The following IQCJ variants were observed in gnomAD, a reference collection of about 807,000 sequenced individuals.
IQCJ encodes the protein IQ domain-containing protein J.
IQCJ carries 9 observed loss-of-function variants against 11.0 expected under a neutral mutation model. The ratio of observed to expected loss-of-function variants is 0.82; its 90% CI spans 0.49 to 1.43. The LOEUF is 1.43. Ranked by LOEUF, IQCJ falls within the 40% of genes most tolerant of loss-of-function variation. The probability of loss-of-function intolerance (pLI) is 0.00; values close to 1 mark genes in which losing one functional copy is unlikely to be tolerated. For synonymous variants in IQCJ, 55 were observed against 51.3 expected, an observed-to-expected ratio of 1.07 and a Z score of -0.31; for missense variants, 146 against 133.2, an observed-to-expected ratio of 1.10 and a Z score of -0.47.
chr3:159,183,093 T>C lies in IQCJ; in HGVS notation c.10-62750T>C, dbSNP rs376582440. 5.8e-4 allele frequency among the ~76,000 whole-genome samples: 88 copies of C among 152,204 alleles called. 1 individual carries two copies. In the South Asian group the frequency reaches 0.01, roughly 18 times the overall value. ...TCTAGTTCATGTCTGGAAGAGTAGG[T>C]ATTCATAGGACTCCTTTGATTTGGC... On this transcript the variant is annotated intron_variant, in intron 1 of 3. Transcript: ENST00000397832.
chr3:159,216,701 T>C (rs1725254977), intron 1 of IQCJ, among the ~76,000 whole-genome samples: 1 of 152,140 alleles, frequency 6.6e-6, no homozygotes, highest in Non-Finnish European at 1.5e-5. Context: ...GCATTTTTTT[T>C]CCCAAAATGA....
intron 1 of IQCJ, among the ~76,000 whole-genome samples, chr3:159,174,969 T>C (rs1722693061): frequency 6.6e-6 from 1 of 152,194 alleles, no homozygotes; most frequent in South Asian, 2.1e-4. Flanking sequence ...GGCAAGTTGT[T>C]AGCCAAGCGA....
intron 1 of IQCJ, among the ~76,000 whole-genome samples, chr3:159,107,260 C>T (rs1718324051): frequency 6.6e-6 from 1 of 152,078 alleles, no homozygotes; most frequent in Non-Finnish European, 1.5e-5. Flanking sequence ...TATGAATAGG[C>T]TTAGTGACCT....
chr3:159,265,412 C>G, downstream of IQCJ: 1 of 1,607,426 alleles, frequency 6.2e-7, no homozygotes, highest in Non-Finnish European at 8.5e-7. Flanking sequence ...GAATGGACCT[C>G]AAGTTTATGG....
intron 1 of IQCJ, among the ~76,000 whole-genome samples, chr3:159,241,397 A>C (rs1415036285): frequency 1.3e-5 from 2 of 152,026 alleles, no homozygotes; most frequent in Admixed American, 1.3e-4. Flanking sequence ...TGACAGAGTG[A>C]CACTCTGTCT....
chr3:159,205,522 C>A (rs1724606765), intron 1 of IQCJ, among the ~76,000 whole-genome samples: 1 of 152,190 alleles, frequency 6.6e-6, no homozygotes, highest in African/African-American at 2.4e-5. Flanking sequence ...CACTGTGTGA[C>A]CCAGAGCCCC....
chr3:159,074,718 G>C (rs1049924798), intron 1 of IQCJ, among the ~76,000 whole-genome samples: 4 of 152,036 alleles, frequency 2.6e-5, no homozygotes, highest in African/African-American at 9.7e-5. Context: ...CAAAATTTAG[G>C]TTCTTTTTTC....
At chr3:159,110,723 A>G (rs868370809) in intron 1 of IQCJ, among the ~76,000 whole-genome samples, 25 of 152,242 alleles carry the variant, frequency 1.6e-4, no homozygotes, top group Middle Eastern at 6.8e-3. Context: ...TGATTACTCA[A>G]TTGAATTTCT....
At chr3:159,194,853 C>T (rs1723892174) in intron 1 of IQCJ, among the ~76,000 whole-genome samples, 1 of 152,168 alleles carries the variant, frequency 6.6e-6, no homozygotes. Context: ...TGGCTCACGC[C>T]TGTAATCCCA....
chr3:159,228,589 G>C (rs1726000271), intron 1 of IQCJ, among the ~76,000 whole-genome samples: 3 of 152,002 alleles, frequency 2.0e-5, no homozygotes, highest in African/African-American at 7.2e-5. Context: ...AGGAGATCGA[G>C]ACCATCCCGG....
intron 1 of IQCJ, among the ~76,000 whole-genome samples, chr3:159,163,241 C>CA: frequency 6.6e-6 from 1 of 152,318 alleles, no homozygotes. Flanking sequence ...AAGTGGGCTT[C>CA]AGCCCTGGGA....
intron 1 of IQCJ, among the ~76,000 whole-genome samples, chr3:159,102,335 A>G (rs1358199601): frequency 1.3e-5 from 2 of 152,226 alleles, no homozygotes; most frequent in East Asian, 3.8e-4. Context: ...CCTTCTAAGC[A>G]CCTAAGGAGA....
chr3:159,088,393 C>T lies in IQCJ; in HGVS notation c.9+18952C>T, dbSNP rs1576996680. Among the ~76,000 whole-genome samples the T allele has an allele frequency of 3.3e-5, 5 of 152,238 alleles. No homozygotes were observed. The South Asian group carries it at 1.0e-3, about 32-fold the overall frequency. On this transcript the variant is annotated intron_variant, in intron 1 of 3. Transcript: ENST00000397832. The stretch of plus-strand genomic sequence containing the variant: ...TGTGGTGCTGAAAAAAATGTATATT[C>T]TGTTGATTTGGGGTGGAGAGTTCTG...
chr3:159,075,696 T>C (rs1715865715), intron 1 of IQCJ, among the ~76,000 whole-genome samples: 1 of 152,154 alleles, frequency 6.6e-6, no homozygotes, highest in Non-Finnish European at 1.5e-5. Flanking sequence ...TGTAGACATT[T>C]GTAATTCTGT....
chr3:159,200,767 G>A (rs1839221), intron 1 of IQCJ, among the ~76,000 whole-genome samples: 47,141 of 151,940 alleles, frequency 0.31, 9,513 homozygotes, highest in African/African-American at 0.56. Flanking sequence ...GGCATCCCTG[G>A]CATAGCAAGA....
intron 2 of IQCJ, among the ~76,000 whole-genome samples, chr3:159,247,641 A>G (rs1371799237): frequency 6.6e-6 from 1 of 152,220 alleles, no homozygotes; most frequent in Admixed American, 6.5e-5. Context: ...TGAGGGTCTT[A>G]GGACTCTCCG....
At chr3:159,247,618 A>C (rs2108201172) in intron 2 of IQCJ, among the ~76,000 whole-genome samples, 1 of 152,348 alleles carries the variant, frequency 6.6e-6, no homozygotes, top group East Asian at 1.9e-4. Flanking sequence ...GCATGGGGCA[A>C]GAACCTCTGG....
rs189182353 is a variant in IQCJ, at chr3:159,238,620, A to T, written c.10-7223A>T. 5.6e-4 allele frequency among the ~76,000 whole-genome samples: 86 copies of T among 152,312 alleles called. 1 individual carries two copies. In the East Asian group the frequency reaches 0.015, roughly 26 times the overall value. On this transcript the variant is annotated intron_variant, in intron 1 of 3. Transcript: ENST00000397832. Reference sequence around the variant, plus strand: ...GGCAGGTAAAGAGTAAATATTAAAAATAAGGATCACCAGAGGTTGCTGAGG... The same window carrying T: ...GGCAGGTAAAGAGTAAATATTAAAATTAAGGATCACCAGAGGTTGCTGAGG...
chr3:159,157,557 G>A (rs933416348), intron 1 of IQCJ, among the ~76,000 whole-genome samples: 1 of 152,114 alleles, frequency 6.6e-6, no homozygotes, highest in Non-Finnish European at 1.5e-5. Flanking sequence ...TTTAAAAAAT[G>A]TTTTGAATAG....
Sources: gnomAD v4.1 joint callset for allele counts (sites outside exome capture counted in the v4.1 genomes callset) on GRCh38, gnomAD v4.1.1 for gene constraint, MANE v1.5 for transcripts, NCBI Gene and HGNC (gene_info 2026-07-23, HGNC 2026-07-21) for gene names.